Variants in SLC35F1 observed in about 807,000 individuals in gnomAD.
SLC35F1 encodes solute carrier family 35 member F1.
A neutral mutation model predicts 48.7 loss-of-function variants in SLC35F1; 14 were observed. The observed-to-expected ratio is 0.29, with a 90% CI of 0.19 to 0.45. SLC35F1 has a LOEUF of 0.45. Ranked by LOEUF, SLC35F1 falls within the 20% of genes least tolerant of loss-of-function variation. The probability of loss-of-function intolerance (pLI) is 1.00; values close to 1 mark genes in which losing one functional copy is unlikely to be tolerated. For missense variants in SLC35F1, 404 were observed against 500.0 expected, an observed-to-expected ratio of 0.81 and a Z score of 1.83; for synonymous variants, 190 against 202.2, an observed-to-expected ratio of 0.94 and a Z score of 0.51.
At chr6:118,163,004 C>G (rs1774261741) in intron 2 of SLC35F1, among the ~76,000 whole-genome samples, 1 of 150,528 alleles carries the variant, frequency 6.6e-6, no homozygotes, top group South Asian at 2.1e-4. Context: ...GTCTCCCAGA[C>G]TGTAGTGCAG....
intron 1 of SLC35F1, among the ~76,000 whole-genome samples, chr6:118,101,381 ACT>A (rs1471742849): frequency 2.0e-5 from 3 of 152,178 alleles, no homozygotes; most frequent in East Asian, 3.9e-4. Flanking sequence ...AGGCCACAGA[ACT>A]CTGCCTTGTG....
chr6:118,280,711 C>T (rs1336107450), intron 6 of SLC35F1, among the ~76,000 whole-genome samples: 2 of 151,964 alleles, frequency 1.3e-5, no homozygotes, highest in Non-Finnish European at 2.9e-5. Context: ...AACCGTGCCT[C>T]TACTAAAAAT....
At chr6:118,275,390 C>A in intron 4 of SLC35F1, 69 bp from the exon 5 acceptor site, 1 of 1,508,220 alleles carries the variant, frequency 6.6e-7, no homozygotes, top group South Asian at 1.3e-5. Context: ...CTCAATTTGC[C>A]GATGCCAGAT....
chr6:118,055,795 C>G (rs1470550179), intron 1 of SLC35F1, among the ~76,000 whole-genome samples: 9 of 152,194 alleles, frequency 5.9e-5, no homozygotes, highest in Non-Finnish European at 1.5e-5. Flanking sequence ...GAGCCATGCT[C>G]ACATGCGTAA....
chr6:118,293,040 G>C (rs1776143750), intron 7 of SLC35F1, among the ~76,000 whole-genome samples: 1 of 152,182 alleles, frequency 6.6e-6, no homozygotes. Flanking sequence ...CCCAGGAAGA[G>C]ACTGACATGG....
At chr6:118,045,777 T>C (rs1315216641) in intron 1 of SLC35F1, among the ~76,000 whole-genome samples, 1 of 152,188 alleles carries the variant, frequency 6.6e-6, no homozygotes, top group Non-Finnish European at 1.5e-5. Context: ...TAGTGAGTCT[T>C]ATTGCGGGGA....
At chr6:118,101,030 A>G (rs1326622407) in intron 1 of SLC35F1, among the ~76,000 whole-genome samples, 2 of 151,696 alleles carry the variant, frequency 1.3e-5, no homozygotes, top group African/African-American at 4.8e-5. Flanking sequence ...GCTAAAGCAC[A>G]GAGCAGGAAG....
chr6:118,187,903 C>T (rs1260175576), intron 2 of SLC35F1, among the ~76,000 whole-genome samples: 4 of 152,214 alleles, frequency 2.6e-5, no homozygotes, highest in Admixed American at 1.3e-4. Flanking sequence ...GCATAAATTC[C>T]TATTGCCCAA....
intron 6 of SLC35F1, among the ~76,000 whole-genome samples, chr6:118,283,662 G>A (rs1776012335): frequency 6.6e-6 from 1 of 152,176 alleles, no homozygotes; most frequent in African/African-American, 2.4e-5. Flanking sequence ...ATTAATTTGA[G>A]GATTGATCTT....
intron 3 of SLC35F1, among the ~76,000 whole-genome samples, chr6:118,245,999 C>T (rs1775502896): frequency 6.6e-6 from 1 of 152,156 alleles, no homozygotes; most frequent in African/African-American, 2.4e-5. Flanking sequence ...GAGAGACAAG[C>T]TCTCCCTCCC....
intron 3 of SLC35F1, among the ~76,000 whole-genome samples, chr6:118,239,956 G>A (rs573367442): frequency 6.6e-6 from 1 of 152,130 alleles, no homozygotes; most frequent in Non-Finnish European, 1.5e-5. Flanking sequence ...GTGCTGTTTA[G>A]TAATTTAGTT....
intron 1 of SLC35F1, among the ~76,000 whole-genome samples, chr6:118,033,260 C>T (rs1247105149): frequency 2.0e-5 from 3 of 152,076 alleles, no homozygotes; most frequent in African/African-American, 7.2e-5. Context: ...AATATTAATA[C>T]TGCCCTTGAC....
chr6:117,915,555 G>T (rs1241852334), intron 1 of SLC35F1, among the ~76,000 whole-genome samples: 1 of 152,062 alleles, frequency 6.6e-6, no homozygotes, highest in Non-Finnish European at 1.5e-5. Context: ...GATTGGGGAA[G>T]AATTAAGTGT....
At chr6:117,988,729 G>A (rs1776879715) in intron 1 of SLC35F1, among the ~76,000 whole-genome samples, 1 of 152,148 alleles carries the variant, frequency 6.6e-6, no homozygotes. Context: ...TTAATAATGT[G>A]GGAGAGAGTT....
At chr6:117,919,794 G>C (rs1173265178) in intron 1 of SLC35F1, among the ~76,000 whole-genome samples, 2 of 152,146 alleles carry the variant, frequency 1.3e-5, no homozygotes, top group African/African-American at 4.8e-5. Flanking sequence ...CCTCCTCTTG[G>C]GAAGGCGATT....
intron 1 of SLC35F1, among the ~76,000 whole-genome samples, chr6:117,908,578 C>G (rs536819602): frequency 1.3e-5 from 2 of 152,346 alleles, no homozygotes; most frequent in Non-Finnish European, 2.9e-5. Context: ...GCGCCCATGC[C>G]GGAGGGGGCG....
At chr6:117,921,855 C>T (rs1482555642) in intron 1 of SLC35F1, among the ~76,000 whole-genome samples, 2 of 152,012 alleles carry the variant, frequency 1.3e-5, no homozygotes, top group Non-Finnish European at 2.9e-5. Flanking sequence ...GGATATCAAT[C>T]GTCAAAGAAA....
At position 118,195,010 on chromosome 6, in the gene SLC35F1, C is replaced by A. The variant is rs569539828; in HGVS notation, c.349+40390C>A. Among the ~76,000 whole-genome samples, 11 of 152,268 alleles carry A rather than the reference C, an allele frequency of 7.2e-5. No homozygotes were observed. The South Asian group carries it at 2.3e-3, about 32-fold the overall frequency. ...TTAACATTTTCCATTCCTGCCAGAG[C>A]AAAATGTGTGTGACAAAACATAGAC... On this transcript the variant is annotated intron_variant, in intron 2 of 7. Coordinates refer to ENST00000360388, the MANE Select transcript of SLC35F1 (RefSeq NM_001029858.4).
chr6:118,202,117 G>A (rs1048954531), intron 2 of SLC35F1, among the ~76,000 whole-genome samples: 2 of 152,024 alleles, frequency 1.3e-5, no homozygotes, highest in Non-Finnish European at 2.9e-5. Context: ...TGTTTTCTTG[G>A]GTATATACCT....
Sources: allele counts gnomAD v4.1 joint callset (sites outside exome capture counted in the v4.1 genomes callset), GRCh38; gene constraint gnomAD v4.1.1; transcripts MANE v1.5; gene names NCBI Gene and HGNC (gene_info 2026-07-23, HGNC 2026-07-21).